The following NAALADL2 variants were observed in gnomAD, a reference collection of about 807,000 sequenced individuals.
NAALADL2 encodes N-acetylated alpha-linked acidic dipeptidase like 2.
Under a neutral mutation model 87.2 loss-of-function variants are expected in NAALADL2, and 76 were observed. The ratio of observed to expected loss-of-function variants is 0.87; its 90% CI spans 0.72 to 1.05. The LOEUF is 1.05. Ranked by LOEUF, NAALADL2 falls within the 50% of genes least tolerant of loss-of-function variation. The pLI is 0.00. For missense variants in NAALADL2, 1,089 were observed against 945.8 expected, an observed-to-expected ratio of 1.15 and a Z score of -1.99; for synonymous variants, 354 against 331.0, an observed-to-expected ratio of 1.07 and a Z score of -0.75.
At chr3:175,093,857 T>G (rs1041647089) in intron 1 of NAALADL2, among the ~76,000 whole-genome samples, 2 of 151,972 alleles carry the variant, frequency 1.3e-5, no homozygotes, top group African/African-American at 4.8e-5. Context: ...GGAGTTAATA[T>G]GTGTATCTGC....
chr3:174,544,415 T>C (rs560257883), intron 1 of NAALADL2, among the ~76,000 whole-genome samples: 1 of 152,220 alleles, frequency 6.6e-6, no homozygotes, highest in African/African-American at 2.4e-5. Flanking sequence ...TTTTTTTTCT[T>C]TCTCATACAT....
chr3:174,926,912 A>C (rs1736133296), intron 1 of NAALADL2, among the ~76,000 whole-genome samples: 2 of 152,032 alleles, frequency 1.3e-5, no homozygotes, highest in Admixed American at 6.6e-5. Flanking sequence ...CAGACTGGCA[A>C]ATTGGATAAA....
At chr3:174,935,285 C>T (rs1737528116) in intron 1 of NAALADL2, among the ~76,000 whole-genome samples, 1 of 152,070 alleles carries the variant, frequency 6.6e-6, no homozygotes, top group Non-Finnish European at 1.5e-5. Context: ...GTGTTCTTTG[C>T]AGATGTTAAG....
chr3:175,412,270 C>T (rs752927430), intron 5 of NAALADL2, among the ~76,000 whole-genome samples: 2 of 152,098 alleles, frequency 1.3e-5, no homozygotes, highest in Non-Finnish European at 2.9e-5. Context: ...TGCACGTGCA[C>T]GCGTATAGTT....
Position 175,007,150 on chromosome 3 carries a change from TAAA to T in NAALADL2, c.44-89621_44-89619del, listed in dbSNP as rs397877957. Among the ~76,000 whole-genome samples the T allele has an allele frequency of 3.2e-3, 226 of 70,368 alleles. 1 individual carries two copies. In the South Asian group the frequency reaches 0.042, roughly 13 times the overall value. The allele number at this position is 70,368 out of a possible 152,430, so 46.2% of individuals were successfully genotyped here. ...TGCCTAATTAATTTCTTTTATAGGA[TAAA>T]AAAAAAAAAAAAAAAAAAGCTACTC... On this transcript the variant is annotated intron_variant, in intron 1 of 13. Transcript: ENST00000454872.
At chr3:175,179,719 T>C (rs1474866367) in intron 2 of NAALADL2, among the ~76,000 whole-genome samples, 1 of 152,018 alleles carries the variant, frequency 6.6e-6, no homozygotes, top group East Asian at 1.9e-4. Flanking sequence ...TTTGAGAGGA[T>C]TGCTGGCTTT....
intron 1 of NAALADL2, among the ~76,000 whole-genome samples, chr3:174,550,208 C>T (rs985285529): frequency 1.3e-5 from 2 of 151,274 alleles, no homozygotes; most frequent in African/African-American, 2.4e-5. Flanking sequence ...AGTTATGCAC[C>T]AAAATGAAGA....
intron 1 of NAALADL2, among the ~76,000 whole-genome samples, chr3:175,057,707 T>C (rs1473711380): frequency 6.6e-6 from 1 of 152,148 alleles, no homozygotes; most frequent in African/African-American, 2.4e-5. Context: ...GATGTCAAGG[T>C]CACTAAGATT....
chr3:174,799,717 A>G (rs1364519024), intron 3 of NAALADL2, among the ~76,000 whole-genome samples: 1 of 152,200 alleles, frequency 6.6e-6, no homozygotes, highest in Non-Finnish European at 1.5e-5. Flanking sequence ...CAAACTGGGT[A>G]ACAGGCAGAG....
In NAALADL2 at chr3:174,890,010, C is replaced by T. The variant is rs149164952; in HGVS notation, c.43+30560C>T. On this transcript the variant is annotated intron_variant, in intron 1 of 13. Transcript: ENST00000454872. ...GTAAGTAGAGAAGTTCGCTGTAGTA[C>T]GCTACATATGAGTTCAGGCCATGGT... Among the ~76,000 whole-genome samples the T allele has an allele frequency of 8.2e-4, 125 of 152,186 alleles. 1 individual carries two copies. Among genetic ancestry groups the T allele is most frequent in the Non-Finnish European group, 1.0e-3 (70 of 68,004 alleles).
intron 10 of NAALADL2, among the ~76,000 whole-genome samples, chr3:175,600,301 A>G (rs1273949945): frequency 1.3e-5 from 2 of 151,650 alleles, no homozygotes; most frequent in Non-Finnish European, 2.9e-5. Context: ...CATAATCTCA[A>G]ATTTCTTAAG....
intron 9 of NAALADL2, among the ~76,000 whole-genome samples, chr3:175,474,457 T>C (rs919955831): frequency 1.3e-5 from 2 of 152,078 alleles, no homozygotes; most frequent in African/African-American, 4.8e-5. Context: ...AATCAAGGAG[T>C]TGGTAGTCCC....
chr3:174,606,089 A>G (rs1053234666), intron 2 of NAALADL2, among the ~76,000 whole-genome samples: 1 of 152,218 alleles, frequency 6.6e-6, no homozygotes, highest in Non-Finnish European at 1.5e-5. Flanking sequence ...GCAAACTCCA[A>G]CAGACCTGCA....
At chr3:175,131,992 G>A (rs1240618660) in intron 2 of NAALADL2, among the ~76,000 whole-genome samples, 1 of 117,480 alleles carries the variant, frequency 8.5e-6, no homozygotes, top group Non-Finnish European at 1.8e-5. Context: ...TGGCCGGGAG[G>A]GGGACTGACC....
At chr3:175,013,134 A>G (rs1228382308) in intron 1 of NAALADL2, among the ~76,000 whole-genome samples, 1 of 98,218 alleles carries the variant, frequency 1.0e-5, no homozygotes, top group African/African-American at 4.2e-5. Flanking sequence ...ATATTTATAT[A>G]TAAATATGTA....
intron 11 of NAALADL2, among the ~76,000 whole-genome samples, chr3:175,647,088 G>A (rs529316329): frequency 4.2e-4 from 64 of 152,180 alleles, no homozygotes; most frequent in African/African-American, 1.5e-3. Context: ...GTTCTTAAAT[G>A]TTTCAGCCTA....
At chr3:175,589,811 A>G (rs1486368477) in intron 10 of NAALADL2, among the ~76,000 whole-genome samples, 1 of 150,898 alleles carries the variant, frequency 6.6e-6, no homozygotes, top group African/African-American at 2.4e-5. Context: ...AAAAAACAAA[A>G]AACCAAAAAC....
chr3:175,664,795 G>A (rs988320271), intron 11 of NAALADL2, among the ~76,000 whole-genome samples: 4 of 151,870 alleles, frequency 2.6e-5, no homozygotes, highest in Non-Finnish European at 5.9e-5. Flanking sequence ...AATTTTAGAT[G>A]AAGAGGAAAA....
At chr3:175,212,426 G>T (rs1328383795) in intron 2 of NAALADL2, among the ~76,000 whole-genome samples, 4 of 151,734 alleles carry the variant, frequency 2.6e-5, no homozygotes, top group African/African-American at 9.7e-5. Context: ...TTTGATTATA[G>T]GATAAAATCA....
Sources: gnomAD v4.1 joint callset for allele counts (sites outside exome capture counted in the v4.1 genomes callset) on GRCh38, gnomAD v4.1.1 for gene constraint, MANE v1.5 for transcripts, NCBI Gene and HGNC (gene_info 2026-07-23, HGNC 2026-07-21) for gene names.